The following KSR2 variants were observed in gnomAD, a reference collection of about 807,000 sequenced individuals.
KSR2 encodes the protein kinase suppressor of ras 2.
KSR2 carries 25 observed loss-of-function variants against 107.8 expected under a neutral mutation model. The observed-to-expected ratio is 0.23, with a 90% confidence interval of 0.17 to 0.32. The LOEUF (loss-of-function observed/expected upper bound fraction) is 0.32, where lower values mean the gene tolerates loss of function less well. Among genes scored for constraint, KSR2 ranks in the 10% least tolerant of loss-of-function variants. The probability of loss-of-function intolerance (pLI) is 1.00; values close to 1 mark genes in which losing one functional copy is unlikely to be tolerated. For synonymous variants in KSR2, 480 were observed against 507.0 expected, an observed-to-expected ratio of 0.95 and a Z score of 0.71; for missense variants, 887 against 1,268.9, an observed-to-expected ratio of 0.70 and a Z score of 4.57.
intron 7 of KSR2, among the ~76,000 whole-genome samples, chr12:117,570,814 G>A (rs1486397412): frequency 1.3e-5 from 2 of 152,200 alleles, no homozygotes; most frequent in African/African-American, 2.4e-5. Flanking sequence ...GTCACACAGC[G>A]AGGGAGTGGC....
chr12:117,715,868 A>G (rs73396682), intron 4 of KSR2, among the ~76,000 whole-genome samples: 10,018 of 152,240 alleles, frequency 0.066, 1,127 homozygotes, highest in African/African-American at 0.23. Context: ...GCATCCTCCA[A>G]ATAGCCCCAG....
chr12:117,927,714 A>T (rs781232848), intron 1 of KSR2, among the ~76,000 whole-genome samples: 1 of 152,048 alleles, frequency 6.6e-6, no homozygotes, highest in Non-Finnish European at 1.5e-5. Context: ...AAAAAAAGGA[A>T]CCAGGCCTTT....
chr12:117,672,484 GCA>G (rs1345103561), intron 4 of KSR2, among the ~76,000 whole-genome samples: 3 of 152,166 alleles, frequency 2.0e-5, no homozygotes, highest in Non-Finnish European at 4.4e-5. Context: ...AGGGGACCCA[GCA>G]CAGAGTGAGG....
intron 9 of KSR2, among the ~76,000 whole-genome samples, chr12:117,551,010 T>C (rs923715224): frequency 6.6e-6 from 1 of 152,218 alleles, no homozygotes; most frequent in Non-Finnish European, 1.5e-5. Flanking sequence ...CTCTGTACCT[T>C]GCAACCAACC....
Position 117,872,381 on chromosome 12 carries a change from T to C in KSR2, c.181-11950A>G, listed in dbSNP as rs369175286. 5.5e-4 allele frequency among the ~76,000 whole-genome samples: 83 copies of C among 152,152 alleles called. 1 individual carries two copies. In the South Asian group the frequency reaches 0.012, roughly 23 times the overall value. On this transcript the variant is annotated intron_variant, in intron 1 of 19. Coordinates refer to ENST00000339824, the MANE Select transcript of KSR2 (RefSeq NM_173598.6). ...GAGTTCAAGACCAGCCTGGGCAACA[T>C]AGCAAGACCCCCATCTCCACCAAAA...
chr12:117,555,602 C>A (rs940612102), intron 8 of KSR2, among the ~76,000 whole-genome samples: 3 of 152,214 alleles, frequency 2.0e-5, no homozygotes, highest in African/African-American at 7.2e-5. Context: ...ACACGAGGTT[C>A]CTGATTTCTC....
intron 3 of KSR2, among the ~76,000 whole-genome samples, chr12:117,817,827 G>A (rs1025255969): frequency 5.9e-5 from 9 of 152,072 alleles, no homozygotes; most frequent in Non-Finnish European, 1.0e-4. Flanking sequence ...CAGGCTGGGC[G>A]CGGTGGCTCA....
intron 2 of KSR2, among the ~76,000 whole-genome samples, chr12:117,857,765 A>G (rs1893148664): frequency 6.6e-6 from 1 of 152,224 alleles, no homozygotes; most frequent in Non-Finnish European, 1.5e-5. Context: ...CCACTTGCCT[A>G]AGGTCACACA....
At chr12:117,629,204 G>A (rs1555223094) in intron 5 of KSR2, among the ~76,000 whole-genome samples, 3 of 152,202 alleles carry the variant, frequency 2.0e-5, no homozygotes, top group South Asian at 4.1e-4. Context: ...TCCATGGGCT[G>A]TGCCCACTGT....
At chr12:117,580,783 T>A (rs1199617739) in intron 6 of KSR2, among the ~76,000 whole-genome samples, 1 of 152,088 alleles carries the variant, frequency 6.6e-6, no homozygotes, top group East Asian at 1.9e-4. Flanking sequence ...GGCTGGACGA[T>A]CTAGGGGGTG....
intron 10 of KSR2, among the ~76,000 whole-genome samples, chr12:117,539,136 A>C (rs1453208931): frequency 6.6e-6 from 1 of 152,164 alleles, no homozygotes; most frequent in African/African-American, 2.4e-5. Flanking sequence ...AACCTTCCAG[A>C]TTATCTTGTC....
At chr12:117,966,834 G>A (rs569715570) in intron 1 of KSR2, among the ~76,000 whole-genome samples, 1 of 152,114 alleles carries the variant, frequency 6.6e-6, no homozygotes, top group East Asian at 1.9e-4. Flanking sequence ...GGGCAGGAGG[G>A]CCACAAGATT....
At chr12:117,874,313 G>A (rs1893757838) in intron 1 of KSR2, among the ~76,000 whole-genome samples, 1 of 151,978 alleles carries the variant, frequency 6.6e-6, no homozygotes, top group Admixed American at 6.6e-5. Flanking sequence ...GCTCACTGCA[G>A]CATCAACCTC....
In KSR2 at chr12:117,543,530, T is replaced by C. The variant is rs574578455; in HGVS notation, c.1519-3643A>G. ...AGCTGTTGTAGATATTCTAGTTCCT[T>C]TGTCTTTTCACATAACTTTTAGAAT... On this transcript the variant is annotated intron_variant, in intron 9 of 19. Transcript: ENST00000339824. Among the ~76,000 whole-genome samples the C allele has an allele frequency of 2.9e-4, 44 of 152,348 alleles. No individual in the cohort carries two copies. The South Asian group carries it at 8.9e-3, about 31-fold the overall frequency.
At chr12:117,738,917 A>G (rs1690733836) in intron 4 of KSR2, among the ~76,000 whole-genome samples, 1 of 152,042 alleles carries the variant, frequency 6.6e-6, no homozygotes, top group Non-Finnish European at 1.5e-5. Context: ...GGCACTTACC[A>G]TGATCTGAGC....
At chr12:117,820,346 G>A (rs1015134379) in intron 3 of KSR2, among the ~76,000 whole-genome samples, 3 of 152,174 alleles carry the variant, frequency 2.0e-5, no homozygotes, top group South Asian at 2.1e-4. Flanking sequence ...GATGCTGATT[G>A]GATTAGGGTC....
At chr12:117,673,897 T>A (rs1430506689) in intron 4 of KSR2, among the ~76,000 whole-genome samples, 1 of 152,088 alleles carries the variant, frequency 6.6e-6, no homozygotes, top group Non-Finnish European at 1.5e-5. Flanking sequence ...CACAAAACAT[T>A]AGAAAGGGAA....
intron 5 of KSR2, among the ~76,000 whole-genome samples, chr12:117,611,103 T>A (rs1181840797): frequency 6.6e-6 from 1 of 152,164 alleles, no homozygotes; most frequent in African/African-American, 2.4e-5. Context: ...GCTAAAAAAA[T>A]TTGTTGTCTA....
chr12:117,792,374 G>T (rs1890282567), intron 3 of KSR2, among the ~76,000 whole-genome samples: 1 of 151,960 alleles, frequency 6.6e-6, no homozygotes. Context: ...AGAAGAAGAA[G>T]AATTGCAGTT....
Sources: gnomAD v4.1 joint callset for allele counts (sites outside exome capture counted in the v4.1 genomes callset) on GRCh38, gnomAD v4.1.1 for gene constraint, MANE v1.5 for transcripts, NCBI Gene and HGNC (gene_info 2026-07-23, HGNC 2026-07-21) for gene names.